Variants in KCNH1 observed in about 807,000 individuals in gnomAD.
The protein encoded by KCNH1 is potassium voltage-gated channel subfamily H member 1.
Under a neutral mutation model 69.2 loss-of-function variants are expected in KCNH1, and 27 were observed. The observed-to-expected ratio is 0.39, with a 90% confidence interval of 0.29 to 0.54. KCNH1 has a LOEUF of 0.54. Ranked by LOEUF, KCNH1 falls within the 20% of genes least tolerant of loss-of-function variation. The probability of loss-of-function intolerance (pLI) is 0.68; values close to 1 mark genes in which losing one functional copy is unlikely to be tolerated. For synonymous variants in KCNH1, 456 were observed against 487.7 expected (o/e 0.93, Z 0.86); for missense variants, 798 against 1,261.6 (o/e 0.63, Z 5.57).
chr1:210,883,050 A>G (rs1686530110), intron 7 of KCNH1, among the ~76,000 whole-genome samples: 1 of 152,190 alleles, frequency 6.6e-6, no homozygotes. Context: ...TCCTACCCTA[A>G]CAAATGAAGT....
intron 6 of KCNH1, among the ~76,000 whole-genome samples, chr1:211,015,695 G>C (rs1211297040): frequency 1.3e-5 from 2 of 152,172 alleles, no homozygotes; most frequent in Non-Finnish European, 2.9e-5. Context: ...ATGCCTTCAG[G>C]CAGGTATAGT....
chr1:210,772,845 G>A (rs1346422646), intron 10 of KCNH1, among the ~76,000 whole-genome samples: 2 of 151,982 alleles, frequency 1.3e-5, no homozygotes, highest in African/African-American at 4.8e-5. Flanking sequence ...GTACCCTGTG[G>A]CTATAAAAAA....
At chr1:211,077,222 G>A (rs968657452) in intron 5 of KCNH1, among the ~76,000 whole-genome samples, 5 of 152,080 alleles carry the variant, frequency 3.3e-5, no homozygotes, top group African/African-American at 7.2e-5. Flanking sequence ...CCAACCTAGC[G>A]AGACAGGCCA....
rs1156658978 is a variant in KCNH1, at chr1:210,858,966, C to T, written c.1463-54800G>A. 4.0e-5 allele frequency: 20 copies of T among 496,504 alleles called. No individual in the cohort carries two copies. The South Asian group carries it at 5.7e-4, about 14-fold the overall frequency. The allele number at this position is 496,504 out of a possible 1,614,324, so 30.8% of individuals were successfully genotyped here. A position where few individuals can be genotyped will look rare whatever the true frequency, so the allele number is the denominator to read the frequency against. On this transcript the variant is annotated intron_variant, in intron 7 of 10. Transcript: ENST00000271751. ...ACCCCCTAAGGTACCTCCAATCCCC[C>T]CCACCCCCAAAATCCCACTGGTTTC... is the stretch of plus-strand genomic sequence containing the variant.
At chr1:210,866,602 G>A (rs116105015) in intron 7 of KCNH1, among the ~76,000 whole-genome samples, 79 of 152,146 alleles carry the variant, frequency 5.2e-4, no homozygotes, top group African/African-American at 1.9e-3. Context: ...TAATCAAAAC[G>A]ACAAGTGTTG....
At chr1:210,929,509 G>A (rs1328861347) in intron 6 of KCNH1, among the ~76,000 whole-genome samples, 1 of 152,146 alleles carries the variant, frequency 6.6e-6, no homozygotes, top group Admixed American at 6.6e-5. Context: ...AGCAAAATCT[G>A]CAGAGAAGGA....
At chr1:210,958,147 G>A (rs1406872344) in intron 6 of KCNH1, among the ~76,000 whole-genome samples, 2 of 152,104 alleles carry the variant, frequency 1.3e-5, no homozygotes, top group Non-Finnish European at 2.9e-5. Context: ...GTCTGTAAAG[G>A]ATTTTATTTC....
At chr1:210,701,219 G>A (rs558410230) in intron 10 of KCNH1, among the ~76,000 whole-genome samples, 2 of 152,302 alleles carry the variant, frequency 1.3e-5, no homozygotes, top group African/African-American at 4.8e-5. Flanking sequence ...TTACAGGCGT[G>A]AGCCACCACA....
chr1:210,995,633 G>C (rs978639345), intron 6 of KCNH1, among the ~76,000 whole-genome samples: 2 of 152,206 alleles, frequency 1.3e-5, no homozygotes, highest in Non-Finnish European at 2.9e-5. Flanking sequence ...GCAGCACCCT[G>C]TCCTCAAGCA....
chr1:211,017,656 T>C (rs1357367680), intron 6 of KCNH1, among the ~76,000 whole-genome samples: 2 of 152,214 alleles, frequency 1.3e-5, no homozygotes, highest in Non-Finnish European at 2.9e-5. Context: ...ACATCCTCAC[T>C]GTTTCAAAGA....
chr1:210,906,902 A>G (rs1002083495), intron 7 of KCNH1, among the ~76,000 whole-genome samples: 2 of 152,216 alleles, frequency 1.3e-5, no homozygotes, highest in African/African-American at 4.8e-5. Flanking sequence ...CTAGGGAGGT[A>G]ATAACCAAGT....
intron 7 of KCNH1, among the ~76,000 whole-genome samples, chr1:210,871,717 C>T (rs962388532): frequency 5.3e-4 from 80 of 151,712 alleles, no homozygotes; most frequent in African/African-American, 1.9e-3. Flanking sequence ...GAATACTATG[C>T]AGCCATAAAA....
chr1:211,071,346 C>T (rs1263888388), intron 5 of KCNH1, among the ~76,000 whole-genome samples: 1 of 152,092 alleles, frequency 6.6e-6, no homozygotes, highest in Non-Finnish European at 1.5e-5. Context: ...AAAAAACATG[C>T]TAGAGATTCT....
chr1:211,122,007 G>A (rs1047285227), intron 1 of KCNH1, among the ~76,000 whole-genome samples: 5 of 151,992 alleles, frequency 3.3e-5, no homozygotes, highest in Non-Finnish European at 7.4e-5. Flanking sequence ...ACACGGTGGC[G>A]GGCACTTGCA....
chr1:210,956,538 T>A (rs1477650013), intron 6 of KCNH1, among the ~76,000 whole-genome samples: 1 of 112,612 alleles, frequency 8.9e-6, no homozygotes, highest in Non-Finnish European at 1.8e-5. Flanking sequence ...GTCCTGGAGT[T>A]TTTTTTTTTT....
chr1:210,832,907 C>CATATATATAT (rs367619819), intron 7 of KCNH1, among the ~76,000 whole-genome samples: 2,928 of 110,544 alleles, frequency 0.026, 98 homozygotes, highest in African/African-American at 0.072. Context: ...TTCTCAAATA[C>CATATATATAT]ATATATATAT....
chr1:210,892,393 A>G (rs1686769258), intron 7 of KCNH1, among the ~76,000 whole-genome samples: 1 of 152,016 alleles, frequency 6.6e-6, no homozygotes. Flanking sequence ...AGCTATTAAA[A>G]TTGCACCTCA....
At chr1:210,861,659 C>A (rs1248596436) in intron 7 of KCNH1, 5 of 772,006 alleles carry the variant, frequency 6.5e-6, no homozygotes, top group Non-Finnish European at 1.2e-5. Flanking sequence ...ATATACTGAA[C>A]AAGATCATAG....
intron 5 of KCNH1, among the ~76,000 whole-genome samples, chr1:211,040,123 A>G (rs1334813077): frequency 6.6e-6 from 1 of 150,956 alleles, no homozygotes; most frequent in Admixed American, 6.6e-5. Flanking sequence ...CCTGGGAGGC[A>G]GAGCTTGCAG....
Sources: gnomAD v4.1 joint callset for allele counts (sites outside exome capture counted in the v4.1 genomes callset) on GRCh38, gnomAD v4.1.1 for gene constraint, MANE v1.5 for transcripts, NCBI Gene and HGNC (gene_info 2026-07-23, HGNC 2026-07-21) for gene names.